SPMAP2L: variants seen among roughly 807,000 people sequenced by gnomAD.
SPMAP2L encodes the protein sperm microtubule associated protein 2-like.
At chr4:56,575,441 A>G in the SPMAP2L span, 3 of 1,515,070 alleles carry the variant, frequency 2.0e-6, no homozygotes, top group Non-Finnish European at 1.8e-6. Context: ...GATGTTGGAA[A>G]ATACTATGAC....
At chr4:56,597,570 T>C in the SPMAP2L span, among the ~76,000 whole-genome samples, 1 of 152,208 alleles carries the variant, frequency 6.6e-6, no homozygotes, top group Non-Finnish European at 1.5e-5. Context: ...AATCAGAAAC[T>C]CTTGGACGAG....
the SPMAP2L span, among the ~76,000 whole-genome samples, chr4:56,611,749 C>T: frequency 6.6e-6 from 1 of 152,148 alleles, no homozygotes; most frequent in Non-Finnish European, 1.5e-5. Flanking sequence ...CTCAATGGTG[C>T]TTTATTGGTG....
At chr4:56,558,144 C>T in the SPMAP2L span, among the ~76,000 whole-genome samples, 2 of 151,950 alleles carry the variant, frequency 1.3e-5, no homozygotes, top group African/African-American at 4.8e-5. Flanking sequence ...AATTTTTGTA[C>T]TTTTGTAGAG....
At chr4:56,621,557 A>T in the SPMAP2L span, among the ~76,000 whole-genome samples, 1 of 152,242 alleles carries the variant, frequency 6.6e-6, no homozygotes, top group African/African-American at 2.4e-5. Flanking sequence ...GCAAGATAAA[A>T]GATGATATGT....
the SPMAP2L span, among the ~76,000 whole-genome samples, chr4:56,573,420 T>G: frequency 6.6e-6 from 1 of 152,158 alleles, no homozygotes; most frequent in African/African-American, 2.4e-5. Flanking sequence ...TGAGTAGCAG[T>G]TGTCTCTGGT....
chr4:56,564,236 C>T, the SPMAP2L span, among the ~76,000 whole-genome samples: 26 of 151,396 alleles, frequency 1.7e-4, no homozygotes, highest in Non-Finnish European at 3.4e-4. Context: ...CAGGCTCAAG[C>T]GAACCTCCCA....
the SPMAP2L span, among the ~76,000 whole-genome samples, chr4:56,545,937 C>T: frequency 3.9e-5 from 6 of 151,912 alleles, no homozygotes; most frequent in South Asian, 2.1e-4. Context: ...GGATTACAGA[C>T]GCCCGCCACC....
the SPMAP2L span, chr4:56,594,237 G>A: frequency 6.2e-7 from 1 of 1,601,334 alleles, no homozygotes; most frequent in South Asian, 1.1e-5. Flanking sequence ...GTGTTCAACA[G>A]CTACCACTCT....
At chr4:56,539,175 C>T in the SPMAP2L span, among the ~76,000 whole-genome samples, 1 of 151,686 alleles carries the variant, frequency 6.6e-6, no homozygotes, top group Non-Finnish European at 1.5e-5. Context: ...AGTATCATCA[C>T]CTAATCATCA....
the SPMAP2L span, chr4:56,594,513 C>T: frequency 3.4e-4 from 546 of 1,606,602 alleles, 2 homozygotes; most frequent in Non-Finnish European, 6.7e-5. Context: ...AACAGGGGAG[C>T]CCAGGGAGAA....
At chr4:56,539,333 C>G in the SPMAP2L span, among the ~76,000 whole-genome samples, 1 of 152,214 alleles carries the variant, frequency 6.6e-6, no homozygotes, top group Non-Finnish European at 1.5e-5. Flanking sequence ...ACATCCACAG[C>G]ATACAAAGTA....
chr4:56,554,136 A>G, the SPMAP2L span, among the ~76,000 whole-genome samples: 1 of 152,174 alleles, frequency 6.6e-6, no homozygotes, highest in African/African-American at 2.4e-5. Flanking sequence ...ATATTTGTCA[A>G]TTATGAATAA....
At chr4:56,603,662 T>C in the SPMAP2L span, among the ~76,000 whole-genome samples, 2 of 152,178 alleles carry the variant, frequency 1.3e-5, no homozygotes, top group Non-Finnish European at 2.9e-5. Context: ...GTTTTGCTTT[T>C]CCTTTCCCAG....
the SPMAP2L span, among the ~76,000 whole-genome samples, chr4:56,536,611 CTG>C: frequency 6.6e-6 from 1 of 152,200 alleles, no homozygotes; most frequent in Non-Finnish European, 1.5e-5. Context: ...CATTTGACCG[CTG>C]TGTTACCAAA....
At chr4:56,541,429 A>G in the SPMAP2L span, among the ~76,000 whole-genome samples, 1 of 152,166 alleles carries the variant, frequency 6.6e-6, no homozygotes. Context: ...ACATCACTAG[A>G]GTCATTTTTT....
chr4:56,562,262 C>G, the SPMAP2L span, among the ~76,000 whole-genome samples: 1 of 151,806 alleles, frequency 6.6e-6, no homozygotes, highest in Non-Finnish European at 1.5e-5. Flanking sequence ...TTCCCTTTCC[C>G]TACTCTCTCT....
the SPMAP2L span, among the ~76,000 whole-genome samples, chr4:56,579,281 G>A: frequency 3.3e-5 from 5 of 152,074 alleles, no homozygotes; most frequent in Non-Finnish European, 7.4e-5. Context: ...CCAGTTCAAT[G>A]AAATTGGAAA....
At chr4:56,533,567 T>A in the SPMAP2L span, among the ~76,000 whole-genome samples, 2 of 152,170 alleles carry the variant, frequency 1.3e-5, no homozygotes, top group Non-Finnish European at 2.9e-5. Flanking sequence ...CCATCTAACT[T>A]CTTTAAGCTC....
At chr4:56,593,909 T>C in the SPMAP2L span, 1 of 1,609,680 alleles carries the variant, frequency 6.2e-7, no homozygotes, top group South Asian at 1.1e-5. Context: ...CACTTTGATT[T>C]TGCCAGAAGG....
Sources: allele counts gnomAD v4.1 joint callset (sites outside exome capture counted in the v4.1 genomes callset), GRCh38; gene constraint gnomAD v4.1.1; transcripts MANE v1.5; gene names NCBI Gene and HGNC (gene_info 2026-07-23, HGNC 2026-07-21).